Variants in THADA observed in about 807,000 individuals in gnomAD.
The protein encoded by THADA is THADA armadillo repeat containing, also known as tRNA (32-2'-O)-methyltransferase regulator THADA.
In THADA, 213 loss-of-function variants were observed where a neutral mutation model predicts 219.8. The observed-to-expected ratio is 0.97, with a 90% CI of 0.87 to 1.09. The LOEUF (loss-of-function observed/expected upper bound fraction) is 1.09, where lower values mean the gene tolerates loss of function less well. Ranked by LOEUF, THADA falls within the 50% of genes least tolerant of loss-of-function variation. The pLI, the probability that THADA is intolerant of heterozygous loss-of-function variation, is 0.00. For synonymous variants in THADA, 1,018 were observed against 828.9 expected (o/e 1.23, Z -3.92); for missense variants, 2,956 against 2,311.3 (o/e 1.28, Z -5.72).
chr2:43,533,793 G>A (rs763232442), intron 21 of THADA, among the ~76,000 whole-genome samples: 19 of 152,060 alleles, frequency 1.2e-4, no homozygotes, highest in Non-Finnish European at 2.1e-4. Flanking sequence ...TAATGCATGC[G>A]GGGCTTAAAA....
At chr2:43,476,270 C>T (rs1346690145) in intron 26 of THADA, among the ~76,000 whole-genome samples, 1 of 152,108 alleles carries the variant, frequency 6.6e-6, no homozygotes, top group African/African-American at 2.4e-5. Flanking sequence ...AACAGAAATG[C>T]ACAAGGCCAC....
intron 30 of THADA, among the ~76,000 whole-genome samples, chr2:43,341,414 G>A (rs1667047981): frequency 6.6e-6 from 1 of 152,112 alleles, no homozygotes; most frequent in Admixed American, 6.5e-5. Context: ...GGGACCACAG[G>A]ACAGGTTTTA....
chr2:43,448,985 G>A (rs1681955858), intron 26 of THADA, among the ~76,000 whole-genome samples: 2 of 152,074 alleles, frequency 1.3e-5, no homozygotes, highest in African/African-American at 4.8e-5. Flanking sequence ...AACCCAACAG[G>A]AACTGGCCCT....
At chr2:43,399,102 G>A (rs1176026049) in intron 28 of THADA, among the ~76,000 whole-genome samples, 3 of 152,200 alleles carry the variant, frequency 2.0e-5, no homozygotes, top group Non-Finnish European at 4.4e-5. Context: ...AGCCTTCACA[G>A]ATAGGAGATT....
chr2:43,246,892 G>T (rs75454372), intron 36 of THADA, among the ~76,000 whole-genome samples: 6,958 of 152,294 alleles, frequency 0.046, 251 homozygotes, highest in South Asian at 0.1. Flanking sequence ...GTGTGGAGAA[G>T]CCTGGAAGGC....
intron 17 of THADA, among the ~76,000 whole-genome samples, chr2:43,554,829 G>C (rs1214126055): frequency 6.6e-6 from 1 of 152,194 alleles, no homozygotes; most frequent in Non-Finnish European, 1.5e-5. Context: ...TTAATATACA[G>C]GCTAAGTACT....
chr2:43,514,959 T>TATTTTATATATAATATATAAC (rs1412275577), intron 22 of THADA, among the ~76,000 whole-genome samples: 1 of 75,918 alleles, frequency 1.3e-5, no homozygotes, highest in Non-Finnish European at 2.2e-5. Context: ...TAATATATAA[T>TATTTTATATATAATATATAAC]ATTTTATATA....
chr2:43,232,625 A>G, intron 37 of THADA, 88 bp downstream of exon 37: 2 of 1,424,354 alleles, frequency 1.4e-6, no homozygotes, highest in Non-Finnish European at 1.9e-6. Context: ...TAAGCATGCA[A>G]AAGCCCAGCT....
At position 43,305,285 on chromosome 2, in the gene THADA, A is replaced by G. The variant is rs550975870; in HGVS notation, c.4439-12072T>C. On this transcript the variant is annotated intron_variant, in intron 31 of 37. Transcript: ENST00000405975. ...TATCAAAGGGAAATTCCACTCTTCTATTTAATCCTTGACCCTCCCAGTAAA... is the reference window on the plus strand; with the variant it reads ...TATCAAAGGGAAATTCCACTCTTCTGTTTAATCCTTGACCCTCCCAGTAAA... Among the ~76,000 whole-genome samples the G allele has an allele frequency of 1.1e-4, 17 of 152,304 alleles. 1 individual carries two copies. The South Asian group carries it at 3.5e-3, about 32-fold the overall frequency.
Position 43,344,257 on chromosome 2 carries a change from A to T in THADA, c.4228-20T>A. ...AAAAACCTAAACCAAAAAAGAAAAA[A>T]AAATCCTGCTGTGAAAATATATTTT... On this transcript the variant is annotated intron_variant, in intron 29 of 37. Coordinates refer to ENST00000405975, the MANE Select transcript of THADA (RefSeq NM_022065.5). The T allele has an allele frequency of 6.6e-7, 1 of 1,524,926 alleles. No individual in the cohort carries two copies. Among genetic ancestry groups the T allele is most frequent in the East Asian group, 2.3e-5 (1 of 43,972 alleles). 94.5% of individuals were successfully genotyped at this position (1,524,926 alleles called of 1,614,324 possible).
chr2:43,248,160 TATATAGAGAGAGAGAGAGAGAGAG>T (rs1255497363), intron 36 of THADA, among the ~76,000 whole-genome samples: 49 of 52,784 alleles, frequency 9.3e-4, no homozygotes, highest in South Asian at 5.3e-3. Flanking sequence ...TATATATATA[TATATAGAGAGAGAGAGAGAGAGAG>T]AGAGAGAGAG....
chr2:43,257,856 G>A (rs999609095), intron 36 of THADA, among the ~76,000 whole-genome samples: 46 of 152,316 alleles, frequency 3.0e-4, no homozygotes, highest in Admixed American at 2.5e-3. Context: ...AAAGAGGAGA[G>A]GTGAGGGTAG....
At chr2:43,594,962 G>A (rs1267480434) in intron 1 of THADA, among the ~76,000 whole-genome samples, 1 of 152,164 alleles carries the variant, frequency 6.6e-6, no homozygotes, top group Admixed American at 6.5e-5. Flanking sequence ...ACCCTAACTT[G>A]TAAATTTGTA....
intron 29 of THADA, among the ~76,000 whole-genome samples, chr2:43,356,556 A>G (rs986989837): frequency 1.3e-5 from 2 of 152,220 alleles, no homozygotes; most frequent in Non-Finnish European, 2.9e-5. Context: ...TTGCAAATCA[A>G]TAACAAAAAT....
At chr2:43,562,685 G>C (rs1698213386) in intron 15 of THADA, 1 of 152,186 alleles carries the variant, frequency 6.6e-6, no homozygotes. Context: ...ATGCTTTGTA[G>C]ATTTCACCAG....
At chr2:43,283,328 T>TGGAGC (rs532628428) in intron 35 of THADA, among the ~76,000 whole-genome samples, 4 of 152,208 alleles carry the variant, frequency 2.6e-5, no homozygotes, top group Non-Finnish European at 2.9e-5. Context: ...GTACTGGAAG[T>TGGAGC]GGAGCACTGC....
chr2:43,439,110 T>C (rs529000326), intron 26 of THADA, among the ~76,000 whole-genome samples: 1 of 152,302 alleles, frequency 6.6e-6, no homozygotes, highest in South Asian at 2.1e-4. Context: ...AGTAACGAAA[T>C]CACAGAAAGC....
intron 4 of THADA, 108 bp from the exon 5 acceptor site, chr2:43,587,110 A>C: frequency 8.5e-7 from 1 of 1,175,414 alleles, no homozygotes; most frequent in Non-Finnish European, 1.2e-6. Context: ...AATCTTCAAA[A>C]TACAGCCAGA....
intron 18 of THADA, 58 bp downstream of exon 18, chr2:43,552,146 G>A: frequency 6.4e-7 from 1 of 1,565,100 alleles, no homozygotes; most frequent in Non-Finnish European, 8.6e-7. Flanking sequence ...CCAACCAGAG[G>A]TTAAAGCTCA....
Sources: gnomAD v4.1 joint callset for allele counts (sites outside exome capture counted in the v4.1 genomes callset) on GRCh38, gnomAD v4.1.1 for gene constraint, MANE v1.5 for transcripts, NCBI Gene and HGNC (gene_info 2026-07-23, HGNC 2026-07-21) for gene names.